Variants in ORC5 observed in about 807,000 individuals in gnomAD.
The protein encoded by ORC5 is protein phosphatase 1, regulatory subunit 117.
A neutral mutation model predicts 58.8 loss-of-function variants in ORC5; 39 were observed. That is an observed-to-expected ratio of 0.66 (90% CI 0.51 to 0.87). The LOEUF (loss-of-function observed/expected upper bound fraction) is 0.87, where lower values mean the gene tolerates loss of function less well. Ranked by LOEUF, ORC5 falls within the 40% of genes least tolerant of loss-of-function variation. The pLI is 0.00. For missense variants in ORC5, 493 were observed against 506.3 expected (o/e 0.97, Z 0.25); for synonymous variants, 218 against 177.6 (o/e 1.23, Z -1.81).
At chr7:104,186,939 T>A (rs1237719766) in intron 6 of ORC5, among the ~76,000 whole-genome samples, 1 of 152,220 alleles carries the variant, frequency 6.6e-6, no homozygotes, top group Non-Finnish European at 1.5e-5. Context: ...CGAAGAACTT[T>A]AAAAAATACC....
rs1562818479 is a variant in ORC5 at position 104,174,275 on chromosome 7, T to C, written c.825-5750A>G. ...AAGCAAAAATAAACATTCTAAATGG[T>C]GGGCACAGCCTAGCTAATTAAAAGC... On this transcript the variant is annotated intron_variant, in intron 8 of 13. Transcript: ENST00000297431. Among the ~76,000 whole-genome samples, 5 of 152,338 alleles carry C rather than the reference T, an allele frequency of 3.3e-5. No individual in the cohort carries two copies. In the South Asian group the frequency reaches 1.0e-3, roughly 32 times the overall value.
Position 104,151,958 on chromosome 7 carries a change from T to A in ORC5, c.1149+9114A>T, listed in dbSNP as rs564351151. Among the ~76,000 whole-genome samples, 5 of 152,324 alleles carry A rather than the reference T, an allele frequency of 3.3e-5. No individual in the cohort carries two copies. The East Asian group carries it at 9.6e-4, about 29-fold the overall frequency. On this transcript the variant is annotated intron_variant, in intron 12 of 13. Transcript: ENST00000297431. Reference sequence around the variant, plus strand: ...AAAGGCTACCTGGGCCTAAGAACCCTAATTTTTCATCTAGGAGAAAAGATA... The same window carrying A: ...AAAGGCTACCTGGGCCTAAGAACCCAAATTTTTCATCTAGGAGAAAAGATA...
At chr7:104,207,641 C>CA (rs1800124057) in intron 1 of ORC5, among the ~76,000 whole-genome samples, 192 bp downstream of exon 1, 1 of 152,196 alleles carries the variant, frequency 6.6e-6, no homozygotes, top group African/African-American at 2.4e-5. Context: ...CGGTCGCTCT[C>CA]AGACTGTCTC....
chr7:104,166,011 G>A (rs1799100773), intron 10 of ORC5, among the ~76,000 whole-genome samples: 1 of 151,578 alleles, frequency 6.6e-6, no homozygotes, highest in South Asian at 2.1e-4. Context: ...TCTGGCCTGG[G>A]TGAGAGTGAC....
At chr7:104,154,253 T>C (rs1044819505) in intron 12 of ORC5, among the ~76,000 whole-genome samples, 3 of 151,996 alleles carry the variant, frequency 2.0e-5, no homozygotes, top group African/African-American at 7.2e-5. Flanking sequence ...ATTAACAAAA[T>C]TTAGTTATAA....
chr7:104,204,763 A>G (rs938217774), intron 1 of ORC5, among the ~76,000 whole-genome samples: 1 of 152,222 alleles, frequency 6.6e-6, no homozygotes, highest in African/African-American at 2.4e-5. Flanking sequence ...GCATAAATGC[A>G]TACATTAGAT....
At chr7:104,206,653 C>T (rs1301845181) in intron 1 of ORC5, among the ~76,000 whole-genome samples, 1 of 152,216 alleles carries the variant, frequency 6.6e-6, no homozygotes, top group Non-Finnish European at 1.5e-5. Context: ...TCCACTAATG[C>T]TTCACAGGCC....
At chr7:104,195,989 G>A (rs771844783) in intron 4 of ORC5, among the ~76,000 whole-genome samples, 1 of 151,978 alleles carries the variant, frequency 6.6e-6, no homozygotes, top group Non-Finnish European at 1.5e-5. Flanking sequence ...ATAAAAAAAT[G>A]AGAAATGCTT....
intron 4 of ORC5, among the ~76,000 whole-genome samples, 184 bp downstream of exon 4, chr7:104,197,541 A>G (rs1217264025): frequency 6.6e-6 from 1 of 152,194 alleles, no homozygotes; most frequent in Non-Finnish European, 1.5e-5. Flanking sequence ...TGAAGAATAA[A>G]TGCTATCAAA....
intron 5 of ORC5, among the ~76,000 whole-genome samples, chr7:104,189,318 C>A (rs938945485): frequency 6.6e-6 from 1 of 152,042 alleles, no homozygotes; most frequent in Non-Finnish European, 1.5e-5. Flanking sequence ...TGAGTGCCAG[C>A]AGGGAAAATG....
intron 5 of ORC5, among the ~76,000 whole-genome samples, chr7:104,192,759 C>T (rs537090147): frequency 2.0e-5 from 3 of 151,542 alleles, no homozygotes; most frequent in African/African-American, 4.8e-5. Flanking sequence ...AAACAACTAT[C>T]ATAAGTATGC....
chr7:104,192,686 A>C (rs1799702008), intron 5 of ORC5, among the ~76,000 whole-genome samples: 1 of 152,130 alleles, frequency 6.6e-6, no homozygotes, highest in Non-Finnish European at 1.5e-5. Context: ...GATGGAGAAA[A>C]ATTACTCGGT....
intron 11 of ORC5, among the ~76,000 whole-genome samples, chr7:104,163,950 G>A (rs1799065947): frequency 6.6e-6 from 1 of 152,008 alleles, no homozygotes; most frequent in Non-Finnish European, 1.5e-5. Flanking sequence ...TTTTAGTTTT[G>A]TCAAACCAAG....
chr7:104,154,026 A>G (rs1798885448), intron 12 of ORC5, among the ~76,000 whole-genome samples: 2 of 152,144 alleles, frequency 1.3e-5, no homozygotes, highest in Non-Finnish European at 2.9e-5. Context: ...TTGGTTAAAA[A>G]TCTATAAAAG....
At chr7:104,155,589 G>A (rs1798913102) in intron 12 of ORC5, among the ~76,000 whole-genome samples, 1 of 151,318 alleles carries the variant, frequency 6.6e-6, no homozygotes, top group African/African-American at 2.4e-5. Context: ...CAAATTGATC[G>A]AAGCAGATCA....
intron 8 of ORC5, among the ~76,000 whole-genome samples, chr7:104,171,962 ACT>A (rs1799219811): frequency 6.6e-6 from 1 of 151,824 alleles, no homozygotes; most frequent in South Asian, 2.1e-4. Flanking sequence ...TCAGGGTTGA[ACT>A]CTCTTTCTTC....
chr7:104,147,747 T>TA, intron 12 of ORC5, among the ~76,000 whole-genome samples: 1 of 152,336 alleles, frequency 6.6e-6, no homozygotes, highest in East Asian at 1.9e-4. Flanking sequence ...CAACAAATTT[T>TA]AAATTAAACA....
At position 104,136,716 on chromosome 7, in the gene ORC5, C is replaced by T. The variant is rs1341910711; in HGVS notation, c.1262+65G>A. 9.0e-6 allele frequency: 9 copies of T among 1,004,038 alleles called. No individual in the cohort carries two copies. Among genetic ancestry groups the T allele is most frequent in the Non-Finnish European group, 1.4e-5 (9 of 640,236 alleles). 62.2% of individuals were successfully genotyped at this position (1,004,038 alleles called of 1,614,324 possible). On this transcript the variant is annotated intron_variant, in intron 13 of 13. Coordinates refer to ENST00000297431, the MANE Select transcript of ORC5 (RefSeq NM_002553.4). This position sits in a 1 kb window ranked among gnomAD's most constrained non-coding sequence, Gnocchi z 4.2. Reference sequence around the variant, plus strand: ...CATGTTTAAATGTCATGACTAATGACATCACATTTGGAAAACACTAATTTT... The same window carrying T: ...CATGTTTAAATGTCATGACTAATGATATCACATTTGGAAAACACTAATTTT...
intron 8 of ORC5, among the ~76,000 whole-genome samples, chr7:104,174,974 T>G (rs1486604796): frequency 6.6e-6 from 1 of 152,164 alleles, no homozygotes; most frequent in Non-Finnish European, 1.5e-5. Flanking sequence ...AGCCAACATA[T>G]AAAACTCTAA....
Sources: gnomAD v4.1 joint callset for allele counts (sites outside exome capture counted in the v4.1 genomes callset) on GRCh38, gnomAD v4.1.1 for gene constraint, Gnocchi (gnomAD v3.1) non-coding constraint, MANE v1.5 for transcripts, NCBI Gene and HGNC (gene_info 2026-07-23, HGNC 2026-07-21) for gene names.